The following OTOG variants were observed in gnomAD, a reference collection of about 807,000 sequenced individuals.
OTOG encodes otogelin.
OTOG carries 296 observed loss-of-function variants against 313.8 expected under a neutral mutation model. The ratio of observed to expected loss-of-function variants is 0.94; its 90% CI spans 0.86 to 1.04. OTOG has a LOEUF of 1.04. Among genes scored for constraint, OTOG ranks in the 50% least tolerant of loss-of-function variants. The pLI, the probability that OTOG is intolerant of heterozygous loss-of-function variation, is 0.00. For synonymous variants in OTOG, 1,533 were observed against 1,554.9 expected (o/e 0.99, Z 0.33); for missense variants, 3,948 against 3,840.1 (o/e 1.03, Z -0.74).
intron 39 of OTOG, among the ~76,000 whole-genome samples, chr11:17,622,543 C>G (rs1853889862): frequency 1.3e-5 from 2 of 152,142 alleles, no homozygotes; most frequent in Non-Finnish European, 2.9e-5. Context: ...CTACCCTTCC[C>G]CTGTGTCCGT....
rs936066522 is a variant in OTOG, at chr11:17,629,369, C to T, written c.6712+53C>T. On this transcript the variant is annotated intron_variant, in intron 40 of 55. Transcript: ENST00000399397. ...GGGATGCTTCCCAGGTCCACCTCTG[C>T]CCCCACACATAATTCCTCCTGGAGC... 6 of 1,484,018 alleles carry T rather than the reference C, an allele frequency of 4.0e-6. No individual in the cohort carries two copies. In the Admixed American group the frequency reaches 1.1e-4, roughly 26 times the overall value. The allele number at this position is 1,484,018 out of a possible 1,614,324, so 91.9% of individuals were successfully genotyped here.
rs536430418 is a variant in OTOG, at chr11:17,572,215, G to C, written c.2080+11G>C. ...TGCACCTGCAAGCCGGTGAGTTGGT[G>C]GGGGAAGAGGAGAGGCATGGTTGAG... On this transcript the variant is annotated intron_variant, in intron 18 of 55. Transcript: ENST00000399397. 8.6e-5 allele frequency: 133 copies of C among 1,550,130 alleles called. No homozygotes were observed. Among genetic ancestry groups the C allele is most frequent in the South Asian group, 3.2e-4 (27 of 84,016 alleles).
intron 49 of OTOG, among the ~76,000 whole-genome samples, chr11:17,640,194 C>T (rs77155497): frequency 1.1e-3 from 169 of 152,090 alleles, no homozygotes; most frequent in African/African-American, 3.5e-3. Context: ...TCACAACAAC[C>T]CTGTGAGGTT....
In OTOG at chr11:17,578,327, C is replaced by T. The variant is rs1018988265; in HGVS notation, c.2606-46C>T. 1.1e-5 allele frequency: 16 copies of T among 1,436,772 alleles called. No individual in the cohort carries two copies. The African/African-American group carries it at 1.3e-4, about 12-fold the overall frequency. The allele number at this position is 1,436,772 out of a possible 1,614,324, so 89.0% of individuals were successfully genotyped here. ...CTGCTGCCCCTGTAGCCCAGGAGCC[C>T]ATACTGAGGCCCCAGGGCCTCCGCT... On this transcript the variant is annotated intron_variant, in intron 22 of 55. Coordinates refer to ENST00000399397, the MANE Select transcript of OTOG (RefSeq NM_001292063.2).
Position 17,645,894 on chromosome 11 carries a change from G to C in OTOG, c.8692G>C (p.Val2898Leu), listed in dbSNP as rs1452540296. Residue 2898 changes from valine to leucine, a missense_variant, in exon 56 of 56, where the codon GTG becomes CTG. Transcript: ENST00000399397. The stretch of plus-strand genomic sequence containing the variant: ...CTTCTGTGCCACCAATGCCACCTGG[G>C]TGCCCTATACAGTGCAGGAGCCCAC... ...QLFCATNATW[V>L]PYTVQEPTDC... 2.6e-6 allele frequency: 4 copies of C among 1,550,396 alleles called. No individual in the cohort carries two copies. In the African/African-American group the frequency reaches 4.1e-5, roughly 16 times the overall value.
rs1409632823 is a variant in OTOG, at chr11:17,641,865, C to T, written c.8209C>T (p.Pro2737Ser). The change falls in exon 52 of 56, where the codon CCG becomes TCG. Residue 2737 changes from proline (P) to serine (S), a missense_variant. Physicochemically the swap from Pro to Ser is moderately conservative, Grantham distance 74 (BLOSUM62 -1). Coordinates refer to ENST00000399397, the MANE Select transcript of OTOG (RefSeq NM_001292063.2). ...HCEANQEYEH[P>S]RDLAACCGSC... ...CCTGTAGAACCAGGAGTACGAGCAC[C>T]CGCGGGACCTCGCTGCCTGCTGCGG... The T allele has an allele frequency of 1.4e-5, 22 of 1,550,192 alleles. No homozygotes were observed. The highest frequency in any genetic ancestry group is 1.7e-4 in the Middle Eastern group (1 of 5,988).
At chr11:17,578,588 G>A (rs1852593640) in intron 23 of OTOG, 62 bp downstream of exon 23, 2 of 1,458,580 alleles carry the variant, frequency 1.4e-6, no homozygotes, top group Non-Finnish European at 1.8e-6. Flanking sequence ...AGGGCCACAG[G>A]GTGGAGTGGG....
At chr11:17,566,074 T>A (rs1390324734) in intron 15 of OTOG, among the ~76,000 whole-genome samples, 1 of 152,106 alleles carries the variant, frequency 6.6e-6, no homozygotes, top group Non-Finnish European at 1.5e-5. Context: ...AGAAAGGAAA[T>A]ACCCTTATTA....
At chr11:17,624,972 T>C (rs1468277655) in intron 39 of OTOG, among the ~76,000 whole-genome samples, 1 of 152,214 alleles carries the variant, frequency 6.6e-6, no homozygotes, top group African/African-American at 2.4e-5. Context: ...ATTGTTGGTA[T>C]ATAGGAATAC....
chr11:17,609,043 A>G (rs1040384130), intron 34 of OTOG, 87 bp from the exon 35 acceptor site: 8 of 1,041,326 alleles, frequency 7.7e-6, no homozygotes, highest in Non-Finnish European at 1.0e-5. Flanking sequence ...GTCATAAGAA[A>G]GGATAAGGCC....
Position 17,635,180 on chromosome 11 carries a change from C to T in OTOG, c.7686C>T (p.Tyr2562=), listed in dbSNP as rs982536669. 1.9e-6 allele frequency: 3 copies of T among 1,543,840 alleles called. No homozygotes were observed. The highest frequency in any genetic ancestry group is 1.4e-5 in the African/African-American group (1 of 72,960). Reference sequence around the variant, plus strand: ...TGGGGGACTCCTGCTGCACCTCCTACTTCTGCGGTGGGTCGCCGCCACCAG... The same window carrying T: ...TGGGGGACTCCTGCTGCACCTCCTATTTCTGCGGTGGGTCGCCGCCACCAG... The part of the protein sequence containing the change: ...GRLGDSCCTS[Y]FCACGDCPDS... The change falls in exon 46 of 56, where the codon TAC becomes TAT. Residue 2562 remains tyrosine (Y), a synonymous_variant. Coordinates refer to ENST00000399397, the MANE Select transcript of OTOG (RefSeq NM_001292063.2).
intron 37 of OTOG, 66 bp from the exon 38 acceptor site, chr11:17,612,554 T>C (rs1423466369): frequency 4.0e-6 from 6 of 1,494,018 alleles, no homozygotes; most frequent in Non-Finnish European, 5.4e-6. Context: ...ACCTGCCCCA[T>C]CTTCCTAGGC....
At chr11:17,581,395 G>C (rs1240870517) in intron 23 of OTOG, among the ~76,000 whole-genome samples, 1 of 152,186 alleles carries the variant, frequency 6.6e-6, no homozygotes, top group Non-Finnish European at 1.5e-5. Context: ...GAAACAGGGA[G>C]ATTCAGTGAA....
chr11:17,583,308 A>C (rs1170601450), intron 23 of OTOG, among the ~76,000 whole-genome samples: 1 of 151,898 alleles, frequency 6.6e-6, no homozygotes, highest in Non-Finnish European at 1.5e-5. Context: ...CAAATTTTTT[A>C]AATTTTTTGT....
intron 24 of OTOG, among the ~76,000 whole-genome samples, chr11:17,588,836 C>A (rs1022300145): frequency 3.9e-5 from 6 of 152,072 alleles, no homozygotes; most frequent in African/African-American, 1.4e-4. Flanking sequence ...CTCACCCAGC[C>A]CATATCCCAA....
intron 33 of OTOG, among the ~76,000 whole-genome samples, chr11:17,607,518 C>T (rs1214486536): frequency 6.6e-6 from 1 of 152,230 alleles, no homozygotes; most frequent in Non-Finnish European, 1.5e-5. Context: ...TTCCTCTTCT[C>T]TAAAGTGGGG....
In OTOG at chr11:17,610,232, C is replaced by G. The variant is rs572955385; in HGVS notation, c.4932C>G (p.Ser1644=). 3 of 1,550,562 alleles carry G rather than the reference C, an allele frequency of 1.9e-6. No individual in the cohort carries two copies. The South Asian group carries it at 3.6e-5, about 18-fold the overall frequency. ...AGCCCTCCTTGACAGCAAGTCCCTC[C>G]TCCAGACCTGTGGCTTCCCCTGGAG... ...PPQPSLTASP[S]SRPVASPGAI... The change falls in exon 36 of 56, where the codon TCC becomes TCG. Residue 1644 remains serine (S), a synonymous_variant. Transcript: ENST00000399397.
chr11:17,645,540 T>C, intron 54 of OTOG, 24 bp from the exon 55 acceptor site: 1 of 1,548,862 alleles, frequency 6.5e-7, no homozygotes, highest in South Asian at 1.2e-5. Context: ...TGGCCACAGC[T>C]GCCTCATCCC....
chr11:17,617,925 T>C (rs1029330939), intron 39 of OTOG, among the ~76,000 whole-genome samples: 3 of 152,020 alleles, frequency 2.0e-5, no homozygotes, highest in Non-Finnish European at 4.4e-5. Flanking sequence ...CTATTTTTTT[T>C]TTTTTGAGAC....
Sources: gnomAD v4.1 joint callset for allele counts (sites outside exome capture counted in the v4.1 genomes callset) on GRCh38, gnomAD v4.1.1 for gene constraint, MANE v1.5 for transcripts, NCBI Gene and HGNC (gene_info 2026-07-23, HGNC 2026-07-21) for gene names.